The following SDK1 variants were observed in gnomAD, a reference collection of about 807,000 sequenced individuals.
SDK1 encodes the protein sidekick cell adhesion molecule 1.
Under a neutral mutation model 245.5 loss-of-function variants are expected in SDK1, and 157 were observed. The ratio of observed to expected loss-of-function variants is 0.64; its 90% CI spans 0.56 to 0.73. SDK1 has a LOEUF of 0.73. Among genes scored for constraint, SDK1 ranks in the 30% least tolerant of loss-of-function variants. The pLI is 0.00. For synonymous variants in SDK1, 1,647 were observed against 1,278.5 expected (o/e 1.29, Z -6.15); for missense variants, 3,583 against 3,002.3 (o/e 1.19, Z -4.52).
intron 1 of SDK1, chr7:3,302,399 A>T (rs1317745217): frequency 6.6e-6 from 1 of 152,014 alleles, no homozygotes; most frequent in Admixed American, 6.6e-5. Context: ...CCCGACCCCA[A>T]GTGGGTGCTG....
In SDK1 at chr7:4,142,528, C is replaced by T. The variant is rs144082293; in HGVS notation, c.4229-3194C>T. Among the ~76,000 whole-genome samples the T allele has an allele frequency of 8.8e-3, 1,341 of 152,232 alleles. 26 individuals carry two copies. The highest frequency in any genetic ancestry group is 0.031 in the African/African-American group (1,270 of 41,532). ...ATTTTTAGTAGAGACAGGGTTTCACCATTTTGGTCAGGCTGGCCTCGAACT... is the reference window on the plus strand; with the variant it reads ...ATTTTTAGTAGAGACAGGGTTTCACTATTTTGGTCAGGCTGGCCTCGAACT... On this transcript the variant is annotated intron_variant, in intron 28 of 44. Coordinates refer to ENST00000404826, the MANE Select transcript of SDK1 (RefSeq NM_152744.4).
intron 4 of SDK1, among the ~76,000 whole-genome samples, chr7:3,649,781 C>T (rs887519154): frequency 5.9e-4 from 89 of 152,046 alleles, no homozygotes; most frequent in Admixed American, 5.8e-3. Context: ...ACCGTTCCAC[C>T]GTGTATATGA....
chr7:4,111,292 G>A (rs1200336226), intron 23 of SDK1, among the ~76,000 whole-genome samples: 3 of 152,128 alleles, frequency 2.0e-5, no homozygotes, highest in African/African-American at 7.2e-5. Context: ...TTTAACAAAG[G>A]GTAGGGTGAT....
intron 1 of SDK1, among the ~76,000 whole-genome samples, chr7:3,538,170 G>T (rs1778944234): frequency 6.6e-6 from 1 of 152,112 alleles, no homozygotes; most frequent in Non-Finnish European, 1.5e-5. Flanking sequence ...AGGTGGATGG[G>T]GTGGGGCAGA....
chr7:3,547,802 C>A (rs184104092), intron 1 of SDK1, among the ~76,000 whole-genome samples: 1 of 152,198 alleles, frequency 6.6e-6, no homozygotes, highest in Non-Finnish European at 1.5e-5. Flanking sequence ...TCATTACACT[C>A]TTAACAGGCA....
chr7:3,440,006 A>C lies in SDK1; in HGVS notation c.298+138122A>C, dbSNP rs533478803. 9.2e-5 allele frequency among the ~76,000 whole-genome samples: 14 copies of C among 152,308 alleles called. No individual in the cohort carries two copies. In the South Asian group the frequency reaches 2.9e-3, roughly 32 times the overall value. On this transcript the variant is annotated intron_variant, in intron 1 of 44. Coordinates refer to ENST00000404826, the MANE Select transcript of SDK1 (RefSeq NM_152744.4). The stretch of plus-strand genomic sequence containing the variant: ...AAATGGGAAATATTTAAGATATATA[A>C]TTTGATATGCTTTGACATATTCACA...
At chr7:3,301,946 A>G (rs1397260227) in intron 1 of SDK1, 62 bp downstream of exon 1, 4 of 1,064,562 alleles carry the variant, frequency 3.8e-6, no homozygotes, top group African/African-American at 1.7e-5. Flanking sequence ...CGCGAACTTG[A>G]GCAGCGAGAG....
At chr7:3,807,219 G>A (rs1051775663) in intron 4 of SDK1, among the ~76,000 whole-genome samples, 1 of 152,240 alleles carries the variant, frequency 6.6e-6, no homozygotes, top group South Asian at 2.1e-4. Context: ...TCTTATTAGC[G>A]GGACTGACAG....
intron 5 of SDK1, among the ~76,000 whole-genome samples, chr7:3,936,904 C>T (rs911307540): frequency 1.3e-5 from 2 of 152,080 alleles, no homozygotes; most frequent in South Asian, 2.1e-4. Context: ...TGGGGACACT[C>T]AGGTCCGAGG....
chr7:3,389,415 T>C (rs1250987303), intron 1 of SDK1, among the ~76,000 whole-genome samples: 1 of 152,022 alleles, frequency 6.6e-6, no homozygotes, highest in Non-Finnish European at 1.5e-5. Context: ...TCAGAGAAAA[T>C]GCTACACCTC....
chr7:3,937,218 A>T (rs1223153547), intron 5 of SDK1, among the ~76,000 whole-genome samples: 1 of 152,018 alleles, frequency 6.6e-6, no homozygotes, highest in Non-Finnish European at 1.5e-5. Flanking sequence ...CACTCTGTTC[A>T]CTCAACAGGT....
chr7:4,041,887 C>T (rs1034406273), intron 17 of SDK1, among the ~76,000 whole-genome samples: 3 of 129,150 alleles, frequency 2.3e-5, no homozygotes, highest in Admixed American at 1.4e-4. Flanking sequence ...GATCTCGGCT[C>T]ACTGCAACCT....
intron 1 of SDK1, among the ~76,000 whole-genome samples, chr7:3,435,165 T>C (rs1415411012): frequency 1.4e-4 from 2 of 14,022 alleles, no homozygotes; most frequent in Admixed American, 1.2e-3. Context: ...AGTCTCTGTA[T>C]TTTTTTTTTT....
rs1360696651 is a variant in SDK1, at chr7:3,468,636, G to C, written c.299-150444G>C. The stretch of plus-strand genomic sequence containing the variant: ...AGAGTGTCCTCCCTTATACCCAGAA[G>C]GAAGGAGTATTGAATACATGCCCAG... On this transcript the variant is annotated intron_variant, in intron 1 of 44. Coordinates refer to ENST00000404826, the MANE Select transcript of SDK1 (RefSeq NM_152744.4). 2.1e-5 allele frequency among the ~76,000 whole-genome samples: 3 copies of C among 140,680 alleles called. No individual in the cohort carries two copies. The East Asian group carries it at 5.9e-4, about 28-fold the overall frequency. 92.3% of individuals were successfully genotyped at this position (140,680 alleles called of 152,430 possible).
intron 19 of SDK1, among the ~76,000 whole-genome samples, chr7:4,052,168 TCCC>T (rs61618165): frequency 0.16 from 16,633 of 105,880 alleles, 2,873 homozygotes; most frequent in African/African-American, 0.41. Context: ...GCTTCCATGA[TCCC>T]CCCCCCCCCG....
chr7:3,631,091 G>C (rs1237546598), intron 2 of SDK1, among the ~76,000 whole-genome samples: 1 of 151,948 alleles, frequency 6.6e-6, no homozygotes, highest in Admixed American at 6.6e-5. Flanking sequence ...ATGCTGCCAC[G>C]CCTGGTTAAT....
intron 4 of SDK1, among the ~76,000 whole-genome samples, chr7:3,783,410 C>T (rs1035520905): frequency 7.2e-5 from 11 of 151,786 alleles, no homozygotes; most frequent in African/African-American, 2.4e-4. Context: ...AAAGGAAGAG[C>T]TGAAGTTGTC....
At chr7:3,812,439 T>C (rs1215735150) in intron 4 of SDK1, among the ~76,000 whole-genome samples, 2 of 152,172 alleles carry the variant, frequency 1.3e-5, no homozygotes, top group African/African-American at 4.8e-5. Context: ...CCCTGCAACT[T>C]ACCACCGCTT....
intron 1 of SDK1, among the ~76,000 whole-genome samples, chr7:3,432,759 T>C (rs371977900): frequency 2.8e-4 from 42 of 152,290 alleles, no homozygotes; most frequent in Middle Eastern, 6.8e-3. Flanking sequence ...TTTAAGTTGC[T>C]TTTGAAAGAG....
Sources: allele counts gnomAD v4.1 joint callset (sites outside exome capture counted in the v4.1 genomes callset), GRCh38; gene constraint gnomAD v4.1.1; transcripts MANE v1.5; gene names NCBI Gene and HGNC (gene_info 2026-07-23, HGNC 2026-07-21).